The following ADGRV1 variants were observed in gnomAD, a reference collection of about 807,000 sequenced individuals.
ADGRV1 encodes the protein G-protein coupled receptor 98.
In ADGRV1, 359 loss-of-function variants were observed where a neutral mutation model predicts 596.2. The observed-to-expected ratio is 0.60, with a 90% CI of 0.55 to 0.66. The LOEUF is 0.66. Among genes scored for constraint, ADGRV1 ranks in the 30% least tolerant of loss-of-function variants. The probability of loss-of-function intolerance (pLI) is 0.00; values close to 1 mark genes in which losing one functional copy is unlikely to be tolerated. For missense variants in ADGRV1, 7,274 were observed against 7,575.6 expected (o/e 0.96, Z 1.48); for synonymous variants, 2,681 against 2,679.2 (o/e 1.00, Z -0.02).
intron 85 of ADGRV1, among the ~76,000 whole-genome samples, chr5:91,053,962 G>A (rs1318903574): frequency 1.3e-5 from 2 of 152,288 alleles, no homozygotes; most frequent in Non-Finnish European, 2.9e-5. Context: ...GAAGTCAGTA[G>A]TGGGTTTTCC....
intron 70 of ADGRV1, chr5:90,792,478 T>C (rs1483843631): frequency 6.6e-6 from 1 of 152,212 alleles, no homozygotes; most frequent in Non-Finnish European, 1.5e-5. Context: ...TAGTGAGACA[T>C]GGGTTTCATA....
chr5:90,767,169 A>G (rs1170212194), intron 59 of ADGRV1, among the ~76,000 whole-genome samples: 2 of 152,240 alleles, frequency 1.3e-5, no homozygotes, highest in African/African-American at 4.8e-5. Context: ...AATGTGTCAG[A>G]TAATACACAG....
chr5:90,579,124 T>G (rs1757628935), intron 1 of ADGRV1, among the ~76,000 whole-genome samples: 1 of 152,222 alleles, frequency 6.6e-6, no homozygotes, highest in Non-Finnish European at 1.5e-5. Context: ...GCTCTGATCT[T>G]AGTTATTTCT....
chr5:90,653,735 A>G lies in ADGRV1; in HGVS notation c.4161A>G (p.Ile1387Met), dbSNP rs1768989226. The change falls in exon 20 of 90, where the codon ATA (isoleucine) becomes ATG (methionine). Residue 1387 changes from isoleucine (I) to methionine (M), a missense_variant. By Grantham distance (10) the Ile-to-Met change is conservative. Coordinates refer to ENST00000405460, the MANE Select transcript of ADGRV1 (RefSeq NM_032119.4). Reference protein sequence around the residue: ...GNGSIYYGVKIQTNESHVTLS... With the variant: ...GNGSIYYGVKMQTNESHVTLS... ...GAAGCATCTACTACGGGGTAAAAAT[A>G]CAAACAAACGAATCCCATGTGACAC... 1.2e-6 allele frequency: 2 copies of G among 1,612,850 alleles called. No individual in the cohort carries two copies. The highest frequency in any genetic ancestry group is 1.7e-5 in the Admixed American group (1 of 59,802).
chr5:90,705,945 G>A lies in ADGRV1; in HGVS notation c.8567-286G>A, dbSNP rs56074012. Among the ~76,000 whole-genome samples, 1,195 of 152,240 alleles carry A rather than the reference G, an allele frequency of 7.8e-3. 7 individuals carry two copies. The highest frequency in any genetic ancestry group is 0.01 in the Non-Finnish European group (696 of 68,020). On this transcript the variant is annotated intron_variant, in intron 37 of 89. Transcript: ENST00000405460. ...GTGAAAATGTGTAAGGCCCCCTGAG[G>A]TCTAGGGTTAGAACCAGCACATCAT...
chr5:90,743,005 C>T (rs1267279284), intron 50 of ADGRV1, among the ~76,000 whole-genome samples: 1 of 152,078 alleles, frequency 6.6e-6, no homozygotes, highest in East Asian at 1.9e-4. Flanking sequence ...CATTCACATG[C>T]AGAGTAAGCA....
At chr5:90,914,701 G>C (rs12522395) in intron 83 of ADGRV1, among the ~76,000 whole-genome samples, 42,328 of 151,942 alleles carry the variant, frequency 0.28, 6,451 homozygotes, top group Non-Finnish European at 0.35. Flanking sequence ...TTTCCATTAA[G>C]TTTATAGGTC....
intron 78 of ADGRV1, among the ~76,000 whole-genome samples, 190 bp downstream of exon 78, chr5:90,841,175 C>G (rs1023672805): frequency 2.0e-5 from 3 of 152,060 alleles, no homozygotes; most frequent in Non-Finnish European, 4.4e-5. Context: ...ACTGATGCCT[C>G]TTTGGAAATC....
chr5:90,768,129 A>G (rs568470897), intron 59 of ADGRV1, among the ~76,000 whole-genome samples: 2 of 152,374 alleles, frequency 1.3e-5, no homozygotes, highest in Admixed American at 1.3e-4. Context: ...TGTTTTGAGC[A>G]TAAAATCTAC....
chr5:91,151,891 G>A (rs1287792736), intron 88 of ADGRV1, among the ~76,000 whole-genome samples: 4 of 152,148 alleles, frequency 2.6e-5, no homozygotes, highest in African/African-American at 7.2e-5. Context: ...ATTTTTTAAG[G>A]TTCATCTTTT....
chr5:90,727,039 G>A (rs761296813), intron 48 of ADGRV1, among the ~76,000 whole-genome samples: 7 of 152,020 alleles, frequency 4.6e-5, no homozygotes, highest in Non-Finnish European at 7.4e-5. Context: ...GCAACCCCAC[G>A]AACTCAGTTG....
chr5:91,081,294 G>A (rs191022380), intron 86 of ADGRV1, among the ~76,000 whole-genome samples: 3 of 152,122 alleles, frequency 2.0e-5, no homozygotes, highest in Admixed American at 6.6e-5. Context: ...CAAATTTGGG[G>A]GATGGAGGAA....
At chr5:90,732,816 A>G (rs1022995393) in intron 50 of ADGRV1, among the ~76,000 whole-genome samples, 2 of 152,248 alleles carry the variant, frequency 1.3e-5, no homozygotes, top group Non-Finnish European at 2.9e-5. Flanking sequence ...ATGAGAATGA[A>G]GTAGAAAAAC....
chr5:90,848,949 C>T (rs942600485), intron 79 of ADGRV1, 128 bp downstream of exon 79: 2 of 602,262 alleles, frequency 3.3e-6, no homozygotes, highest in African/African-American at 2.0e-5. Flanking sequence ...CATTGTACCA[C>T]TTGGAAAGTT....
chr5:90,919,625 A>G (rs928352789), intron 83 of ADGRV1, among the ~76,000 whole-genome samples: 1 of 152,182 alleles, frequency 6.6e-6, no homozygotes, highest in African/African-American at 2.4e-5. Flanking sequence ...TTAAGCTTTG[A>G]GTGTCGTTTC....
chr5:91,128,085 A>G (rs755930184), intron 87 of ADGRV1, among the ~76,000 whole-genome samples: 14 of 151,434 alleles, frequency 9.2e-5, no homozygotes, highest in Non-Finnish European at 1.5e-4. Context: ...CTGTCTCCCA[A>G]TGCCCTCCCC....
chr5:90,872,423 T>TTGTGTGTGTGTGTGTGTG (rs55743704), intron 83 of ADGRV1, among the ~76,000 whole-genome samples: 33 of 147,442 alleles, frequency 2.2e-4, no homozygotes, highest in Non-Finnish European at 4.5e-4. Context: ...TGGTATGAGC[T>TTGTGTGTGTGTGTGTGTG]TGTGTGTGTG....
intron 89 of ADGRV1, among the ~76,000 whole-genome samples, chr5:91,158,855 GGATGGA>G (rs1562294766): frequency 7.0e-4 from 95 of 135,374 alleles, no homozygotes; most frequent in African/African-American, 2.9e-3. Flanking sequence ...ATGGGTGGAT[GGATGGA>G]TGGATGGATG....
At chr5:90,624,033 T>A (rs11954050) in intron 5 of ADGRV1, among the ~76,000 whole-genome samples, 11,957 of 152,250 alleles carry the variant, frequency 0.079, 1,571 homozygotes, top group African/African-American at 0.27. Context: ...GTTTCTTTCC[T>A]AATTATTAAT....
Sources: allele counts gnomAD v4.1 joint callset (sites outside exome capture counted in the v4.1 genomes callset), GRCh38; gene constraint gnomAD v4.1.1; transcripts MANE v1.5; gene names NCBI Gene and HGNC (gene_info 2026-07-23, HGNC 2026-07-21).